Variants in MYO10 observed in about 807,000 individuals in gnomAD.
The protein encoded by MYO10 is unconventional myosin-X.
MYO10 carries 133 observed loss-of-function variants against 257.3 expected under a neutral mutation model. The observed-to-expected ratio is 0.52, with a 90% CI of 0.45 to 0.60. MYO10 has a LOEUF of 0.60. Among genes scored for constraint, MYO10 ranks in the 20% least tolerant of loss-of-function variants. The probability of loss-of-function intolerance (pLI) is 0.00; values close to 1 mark genes in which losing one functional copy is unlikely to be tolerated. For synonymous variants in MYO10, 1,104 were observed against 1,028.6 expected (o/e 1.07, Z -1.40); for missense variants, 2,399 against 2,635.7 (o/e 0.91, Z 1.97).
chr5:16,736,328 A>G (rs556961343), intron 19 of MYO10, among the ~76,000 whole-genome samples: 2 of 152,298 alleles, frequency 1.3e-5, no homozygotes, highest in African/African-American at 4.8e-5. Context: ...GTTTATGTAA[A>G]CCAGGAAATG....
chr5:16,897,244 G>T (rs1745243277), intron 1 of MYO10, among the ~76,000 whole-genome samples: 1 of 145,974 alleles, frequency 6.9e-6, no homozygotes, highest in Admixed American at 7.1e-5. Context: ...AGTTCCCACA[G>T]AAGTATACAT....
chr5:16,695,831 C>T (rs922383632), intron 26 of MYO10, among the ~76,000 whole-genome samples: 1 of 152,218 alleles, frequency 6.6e-6, no homozygotes, highest in Non-Finnish European at 1.5e-5. Flanking sequence ...AGACAGTGCA[C>T]TTGCTTCACT....
intron 19 of MYO10, among the ~76,000 whole-genome samples, chr5:16,730,303 CTCTG>C (rs1464051416): frequency 6.6e-6 from 1 of 152,128 alleles, no homozygotes; most frequent in African/African-American, 2.4e-5. Flanking sequence ...GGCAGAATTA[CTCTG>C]TCTTAGTGCT....
chr5:16,750,260 A>G (rs1340463866), intron 19 of MYO10, among the ~76,000 whole-genome samples: 4 of 152,174 alleles, frequency 2.6e-5, no homozygotes, highest in Non-Finnish European at 5.9e-5. Context: ...CTTCTATACA[A>G]TACCCAAGAT....
At chr5:16,931,055 T>C (rs564716802) in intron 1 of MYO10, among the ~76,000 whole-genome samples, 1 of 152,274 alleles carries the variant, frequency 6.6e-6, no homozygotes, top group African/African-American at 2.4e-5. Context: ...GCGGATCACC[T>C]GAGGTCGGGA....
intron 1 of MYO10, chr5:16,916,064 C>T (rs772652920): frequency 2.0e-5 from 9 of 455,968 alleles, no homozygotes; most frequent in Non-Finnish European, 3.5e-5. Flanking sequence ...CCAGTTGAAT[C>T]GCTTGGTCCC....
intron 18 of MYO10, among the ~76,000 whole-genome samples, chr5:16,756,204 C>T (rs1388590366): frequency 2.0e-5 from 3 of 152,080 alleles, no homozygotes; most frequent in African/African-American, 7.2e-5. Context: ...TCCTGAGTAG[C>T]TGGGAATACA....
At chr5:16,737,742 G>C (rs1739862705) in intron 19 of MYO10, among the ~76,000 whole-genome samples, 1 of 152,208 alleles carries the variant, frequency 6.6e-6, no homozygotes. Context: ...GACGTTGAGA[G>C]AGGAGAGTGT....
At chr5:16,772,867 G>A (rs4702171) in intron 9 of MYO10, among the ~76,000 whole-genome samples, 78,986 of 151,872 alleles carry the variant, frequency 0.52, 21,212 homozygotes, top group Non-Finnish European at 0.6. Context: ...GAAGATAACC[G>A]TATACCAGAG....
intron 1 of MYO10, among the ~76,000 whole-genome samples, chr5:16,893,751 T>TA (rs201537553): frequency 0.035 from 5,357 of 152,094 alleles, 140 homozygotes; most frequent in African/African-American, 0.066. Flanking sequence ...ACTACACTGC[T>TA]AAAAACATAA....
chr5:16,909,650 A>G (rs1446445072), intron 1 of MYO10, among the ~76,000 whole-genome samples: 1 of 152,108 alleles, frequency 6.6e-6, no homozygotes, highest in African/African-American at 2.4e-5. Context: ...TGGGAGCTAC[A>G]ATTCAAGATG....
chr5:16,730,442 G>A (rs1739536223), intron 19 of MYO10, among the ~76,000 whole-genome samples: 1 of 152,170 alleles, frequency 6.6e-6, no homozygotes. Context: ...GAGGCTTATG[G>A]GGAAGGGGCT....
intron 1 of MYO10, among the ~76,000 whole-genome samples, chr5:16,932,516 T>TCTGG (rs1746318426): frequency 6.6e-6 from 1 of 152,140 alleles, no homozygotes; most frequent in Non-Finnish European, 1.5e-5. Context: ...AAACTTAGTT[T>TCTGG]CTGGCTGAAG....
chr5:16,664,345 C>CT lies in MYO10; in HGVS notation c.*2346_*2347insA, dbSNP rs1209340482. 6.6e-6 allele frequency: 1 copy of CT among 152,232 alleles called. No homozygotes were observed. Among genetic ancestry groups the CT allele is most frequent in the Admixed American group, 6.5e-5 (1 of 15,276 alleles). The allele number at this position is 152,232 out of a possible 1,614,324, so 9.4% of individuals were successfully genotyped here. On this transcript the variant is annotated 3_prime_UTR_variant, in exon 41 of 41. Transcript: ENST00000513610. ...CAGCCTTCCAGAGTAAATTAAGTCA[C>CT]AGAGGGAATCCTGAGAGGTGAGCAG...
chr5:16,743,008 T>C (rs1273406235), intron 19 of MYO10, among the ~76,000 whole-genome samples: 1 of 152,056 alleles, frequency 6.6e-6, no homozygotes, highest in Non-Finnish European at 1.5e-5. Context: ...TAATTCCAGC[T>C]ACTTGAGATG....
chr5:16,935,827 G>C lies in MYO10; in HGVS notation c.-19C>G. 1.2e-6 allele frequency: 2 copies of C among 1,612,584 alleles called. No individual in the cohort carries two copies. Among genetic ancestry groups the C allele is most frequent in the Non-Finnish European group, 1.7e-6 (2 of 1,179,510 alleles). On this transcript the variant is annotated 5_prime_UTR_variant, in exon 1 of 41. Coordinates refer to ENST00000513610, the MANE Select transcript of MYO10 (RefSeq NM_012334.3). ...TATCCATTGTTCCAGCGCAGTCCCG[G>C]ACTCGCCGAGTGCCGCTCCGACTCG...
At chr5:16,759,199 AG>A (rs1245547180) in intron 17 of MYO10, among the ~76,000 whole-genome samples, 2 of 152,200 alleles carry the variant, frequency 1.3e-5, no homozygotes, top group Non-Finnish European at 2.9e-5. Context: ...TTAGGATTAT[AG>A]GCGTGAGCCA....
intron 19 of MYO10, among the ~76,000 whole-genome samples, chr5:16,731,677 A>T (rs1253412069): frequency 6.6e-6 from 1 of 152,192 alleles, no homozygotes; most frequent in Non-Finnish European, 1.5e-5. Context: ...TTGTCCAGCA[A>T]CCCTGTGGAA....
At chr5:16,732,275 G>A (rs958366013) in intron 19 of MYO10, among the ~76,000 whole-genome samples, 3 of 152,154 alleles carry the variant, frequency 2.0e-5, no homozygotes, top group Non-Finnish European at 2.9e-5. Flanking sequence ...AGGGACTACA[G>A]ATTTGTTCCA....
Sources: allele counts gnomAD v4.1 joint callset (sites outside exome capture counted in the v4.1 genomes callset), GRCh38; gene constraint gnomAD v4.1.1; transcripts MANE v1.5; gene names NCBI Gene and HGNC (gene_info 2026-07-23, HGNC 2026-07-21).